MID1: variants seen among roughly 807,000 people sequenced by gnomAD.
MID1 encodes E3 ubiquitin-protein ligase Midline-1.
A neutral mutation model predicts 40.4 loss-of-function variants in MID1; 7 were observed. That is an observed-to-expected ratio of 0.17 (90% CI 0.10 to 0.33). MID1 has a LOEUF of 0.33. Ranked by LOEUF, MID1 falls within the 10% of genes least tolerant of loss-of-function variation. The pLI is 1.00. For synonymous variants in MID1, 229 were observed against 221.2 expected (o/e 1.04, Z -0.31); for missense variants, 367 against 558.5 (o/e 0.66, Z 3.46).
intron 2 of MID1, among the ~76,000 whole-genome samples, chrX:10,543,504 A>AT (rs1312242916): frequency 2.7e-5 from 3 of 111,137 alleles, no homozygotes; most frequent in Non-Finnish European, 5.7e-5. Flanking sequence ...TCCTCTTAAT[A>AT]ATGTGATAAG....
chrX:10,469,246 A>AT (rs938337039), intron 7 of MID1: 356 of 647,381 alleles, frequency 5.5e-4, no homozygotes, highest in Non-Finnish European at 6.4e-4. Context: ...TAATTTTTGT[A>AT]TTTTTTTTGT....
At chrX:10,668,233 T>C (rs942737656) in intron 1 of MID1, among the ~76,000 whole-genome samples, 1 of 112,264 alleles carries the variant, frequency 8.9e-6, no homozygotes, top group Non-Finnish European at 1.9e-5. Flanking sequence ...GGCTTATGGG[T>C]GATCATTAAA....
At chrX:10,639,003 G>A (rs1282938941) in intron 1 of MID1, among the ~76,000 whole-genome samples, 2 of 112,127 alleles carry the variant, frequency 1.8e-5, no homozygotes, top group Non-Finnish European at 3.8e-5. Context: ...AACCCCATCT[G>A]TACATCACCA....
chrX:10,496,118 A>G (rs1931239222), intron 3 of MID1, among the ~76,000 whole-genome samples: 1 of 112,592 alleles, frequency 8.9e-6, no homozygotes, highest in African/African-American at 3.2e-5. Context: ...ATTACTATCA[A>G]TCTCTTTTAG....
At chrX:10,660,723 T>C (rs2042905562) in intron 1 of MID1, among the ~76,000 whole-genome samples, 1 of 111,842 alleles carries the variant, frequency 8.9e-6, no homozygotes, top group Admixed American at 9.5e-5. Context: ...ACTATGAGAG[T>C]TTCTCCTTTG....
chrX:10,772,558 T>A (rs1398410375), intron 1 of MID1, among the ~76,000 whole-genome samples: 1 of 107,954 alleles, frequency 9.3e-6, no homozygotes, highest in Admixed American at 1.0e-4. Context: ...GAATAACCCA[T>A]GGAAATAAAA....
intron 1 of MID1, among the ~76,000 whole-genome samples, chrX:10,781,693 CT>C (rs1172646830): frequency 8.9e-6 from 1 of 111,948 alleles, no homozygotes; most frequent in Admixed American, 9.5e-5. Context: ...TTAGGATGAT[CT>C]TTTGGATCAC....
chrX:10,565,433 G>A lies in MID1; in HGVS notation c.660+1455C>T, dbSNP rs186791527. 78 of 329,450 alleles carry A rather than the reference G, an allele frequency of 2.4e-4. No individual in the cohort carries two copies. In the East Asian group the frequency reaches 6.7e-3, roughly 28 times the overall value. The allele number at this position is 329,450 out of a possible 1,213,427, so 27.2% of individuals were successfully genotyped here. A position where few individuals can be genotyped will look rare whatever the true frequency, so the allele number is the denominator to read the frequency against. ...CCCACTGTCACAGAATAAACTATGTGGTCCCAGTAAACACAACCACCCATT... is the reference window on the plus strand; with the variant it reads ...CCCACTGTCACAGAATAAACTATGTAGTCCCAGTAAACACAACCACCCATT... On this transcript the variant is annotated intron_variant, in intron 2 of 9. Transcript: ENST00000317552.
chrX:10,769,355 C>CCATCTACTG (rs2043750492), intron 1 of MID1, among the ~76,000 whole-genome samples: 1 of 110,980 alleles, frequency 9.0e-6, no homozygotes, highest in Admixed American at 9.6e-5. Flanking sequence ...CCATATAGTG[C>CCATCTACTG]CATCTACTGG....
At chrX:10,522,732 G>A (rs911792043) in intron 3 of MID1, among the ~76,000 whole-genome samples, 1 of 111,782 alleles carries the variant, frequency 8.9e-6, no homozygotes, top group Non-Finnish European at 1.9e-5. Flanking sequence ...TCCTGACCTC[G>A]TGATCTGCCT....
At chrX:10,451,197 T>C (rs1928315005) in intron 9 of MID1, among the ~76,000 whole-genome samples, 1 of 111,961 alleles carries the variant, frequency 8.9e-6, no homozygotes, top group Admixed American at 9.5e-5. Context: ...CATCCTCTCC[T>C]GCTTATGAGG....
chrX:10,669,230 TAAAAAAA>T (rs761817483), intron 1 of MID1, among the ~76,000 whole-genome samples: 37 of 47,013 alleles, frequency 7.9e-4, no homozygotes, highest in African/African-American at 1.1e-3. Flanking sequence ...CGTCTCAAAA[TAAAAAAA>T]AAAAAAAAAA....
intron 2 of MID1, among the ~76,000 whole-genome samples, chrX:10,528,393 A>G (rs1932875695): frequency 8.9e-6 from 1 of 111,934 alleles, no homozygotes; most frequent in Non-Finnish European, 1.9e-5. Context: ...GCCCCATTTC[A>G]AACACTTGGG....
chrX:10,624,990 A>T (rs1211901426), upstream of MID1, among the ~76,000 whole-genome samples: 1 of 112,352 alleles, frequency 8.9e-6, no homozygotes, highest in Non-Finnish European at 1.9e-5. Flanking sequence ...CATACTTCCC[A>T]AGAATAATTC....
chrX:10,533,332 G>GAA (rs1302650865), intron 2 of MID1, among the ~76,000 whole-genome samples: 1 of 43,717 alleles, frequency 2.3e-5, no homozygotes, highest in Non-Finnish European at 4.2e-5. Flanking sequence ...AGAAAGGAAA[G>GAA]AAAGAAAGAA....
intron 1 of MID1, among the ~76,000 whole-genome samples, chrX:10,700,651 A>G (rs1030823014): frequency 2.7e-5 from 3 of 112,500 alleles, no homozygotes; most frequent in Non-Finnish European, 5.6e-5. Context: ...AAGGGGCACA[A>G]TCTTATGTAA....
chrX:10,795,215 G>T (rs776391537), intron 1 of MID1, among the ~76,000 whole-genome samples: 1 of 112,217 alleles, frequency 8.9e-6, no homozygotes, highest in African/African-American at 3.2e-5. Flanking sequence ...CCACCTCAAG[G>T]TTGAAAACCA....
At chrX:10,580,054 T>C (rs1156872224) in intron 1 of MID1, among the ~76,000 whole-genome samples, 1 of 110,706 alleles carries the variant, frequency 9.0e-6, no homozygotes, top group Non-Finnish European at 1.9e-5. Flanking sequence ...CTGTAGTTTC[T>C]CCAGGTGGCA....
At chrX:10,480,818 A>G (rs928741169) in intron 5 of MID1, among the ~76,000 whole-genome samples, 1 of 111,819 alleles carries the variant, frequency 8.9e-6, no homozygotes, top group African/African-American at 3.3e-5. Flanking sequence ...GAAATAATAC[A>G]GTCAAGCCGA....
Sources: allele counts gnomAD v4.1 joint callset (sites outside exome capture counted in the v4.1 genomes callset), GRCh38; gene constraint gnomAD v4.1.1; transcripts MANE v1.5; gene names NCBI Gene and HGNC (gene_info 2026-07-23, HGNC 2026-07-21).